MIA2: variants seen among roughly 807,000 people sequenced by gnomAD.
The protein encoded by MIA2 is MIA SH3 domain ER export factor 2.
A neutral mutation model predicts 167.8 loss-of-function variants in MIA2; 127 were observed. The observed-to-expected ratio is 0.76, with a 90% CI of 0.66 to 0.88. MIA2 has a LOEUF of 0.88. MIA2 is among the 40% of genes least tolerant of loss of function. The pLI, the probability that MIA2 is intolerant of heterozygous loss-of-function variation, is 0.00. For missense variants in MIA2, 1,690 were observed against 1,624.7 expected, an observed-to-expected ratio of 1.04 and a Z score of -0.69; for synonymous variants, 552 against 541.9, an observed-to-expected ratio of 1.02 and a Z score of -0.26.
At chr14:39,307,017 C>T (rs934832604) in intron 17 of MIA2, among the ~76,000 whole-genome samples, 7 of 152,004 alleles carry the variant, frequency 4.6e-5, no homozygotes, top group African/African-American at 1.5e-4. Flanking sequence ...GTTGAAACAA[C>T]GCTTAAAGTT....
intron 25 of MIA2, among the ~76,000 whole-genome samples, chr14:39,338,497 G>C (rs868546483): frequency 1.3e-5 from 2 of 152,054 alleles, no homozygotes; most frequent in African/African-American, 4.8e-5. Flanking sequence ...TTTCAGTTTG[G>C]TTTTTCATAA....
At chr14:39,259,163 A>C (rs929086849) in intron 6 of MIA2, among the ~76,000 whole-genome samples, 6 of 152,366 alleles carry the variant, frequency 3.9e-5, no homozygotes, top group Admixed American at 3.9e-4. Flanking sequence ...GCCGGCAGGC[A>C]GGAACGATTA....
At chr14:39,372,428 A>G (rs1006585692) in intron 23 of MIA2, among the ~76,000 whole-genome samples, 2 of 152,242 alleles carry the variant, frequency 1.3e-5, no homozygotes, top group African/African-American at 2.4e-5. Flanking sequence ...AGTCAACAGT[A>G]TAATGTGGAA....
chr14:39,268,270 A>G (rs961533623), intron 6 of MIA2, among the ~76,000 whole-genome samples: 1 of 152,054 alleles, frequency 6.6e-6, no homozygotes, highest in Non-Finnish European at 1.5e-5. Context: ...GGCAGTTACG[A>G]TTATGTTTTC....
At chr14:39,383,608 G>A (rs2075212761) in intron 23 of MIA2, among the ~76,000 whole-genome samples, 1 of 152,202 alleles carries the variant, frequency 6.6e-6, no homozygotes, top group Admixed American at 6.5e-5. Flanking sequence ...AGGAAGGCAT[G>A]TTGAAACTAG....
intron 6 of MIA2, among the ~76,000 whole-genome samples, chr14:39,272,015 G>T (rs532474480): frequency 1.3e-5 from 2 of 152,178 alleles, no homozygotes; most frequent in East Asian, 1.9e-4. Flanking sequence ...TGCAAAAAAG[G>T]TTAAAGCAAA....
At chr14:39,355,084 A>AAT (rs59176548), downstream of MIA2, among the ~76,000 whole-genome samples, 140,422 of 150,990 alleles carry the variant, frequency 0.93, 65,399 homozygotes, top group East Asian at 0.96. Context: ...GGTTTTTTCC[A>AAT]TCTGTGAAGA....
Position 39,247,216 on chromosome 14 carries a change from C to A in MIA2, c.642C>A (p.Val214=). The A allele has an allele frequency of 1.2e-6, 2 of 1,614,084 alleles. No homozygotes were observed. Among genetic ancestry groups the A allele is most frequent in the Non-Finnish European group, 1.7e-6 (2 of 1,180,026 alleles). The change falls in exon 4 of 29, where the codon GTC becomes GTA. Residue 214 remains valine (V), a synonymous_variant. Coordinates refer to ENST00000640607, the MANE Select transcript of MIA2 (RefSeq NM_001329214.4). ...MEQDRIPEVH[V]PPSSAVSGVK... The stretch of plus-strand genomic sequence containing the variant: ...AGGATCGTATTCCAGAAGTGCATGT[C>A]CCACCATCTTCAGCTGTGTCTGGAG...
chr14:39,357,939 C>G (rs2074573253), intron 23 of MIA2, among the ~76,000 whole-genome samples: 1 of 152,198 alleles, frequency 6.6e-6, no homozygotes, highest in African/African-American at 2.4e-5. Flanking sequence ...GTCTGATGGA[C>G]TTCCCTTTGT....
chr14:39,386,569 T>C, intron 23 of MIA2: 1 of 1,146,944 alleles, frequency 8.7e-7, no homozygotes, highest in Middle Eastern at 2.7e-4. Context: ...GTCTCTTTGT[T>C]ATCATCACCT....
At chr14:39,288,701 T>C (rs1168015290) in intron 9 of MIA2, among the ~76,000 whole-genome samples, 1 of 151,286 alleles carries the variant, frequency 6.6e-6, no homozygotes, top group East Asian at 1.9e-4. Context: ...GACCCTGTGA[T>C]CTGTCCGCCT....
rs771093450 is a variant in MIA2, at chr14:39,348,955, T to G, written c.4050T>G (p.Gly1350=). The part of the protein sequence containing the change: ...RDYFPPGDFP[G]PPPAPFAMRN... The stretch of plus-strand genomic sequence containing the variant: ...ATTTTCCACCAGGGGATTTCCCAGG[T>G]CCACCACCTGCTCCATTTGCAAGTA... Residue 1350 remains glycine, a synonymous_variant, in exon 28 of 29, where the codon GGT becomes GGG. Transcript: ENST00000640607. 1 of 1,613,768 alleles carries G rather than the reference T, an allele frequency of 6.2e-7. No homozygotes were observed. Among genetic ancestry groups the G allele is most frequent in the East Asian group, 2.2e-5 (1 of 44,880 alleles).
At chr14:39,314,494 G>A in intron 19 of MIA2, among the ~76,000 whole-genome samples, 1 of 151,492 alleles carries the variant, frequency 6.6e-6, no homozygotes, top group East Asian at 1.9e-4. Flanking sequence ...TGTGACTTTG[G>A]GTTTAGGTAA....
Position 39,247,257 on chromosome 14 carries a change from G to GA in MIA2, c.684dup (p.Leu229IlefsTer7). Reference sequence around the variant, plus strand: ...GTGTCTGGAGTCAAAGAATGGTTTGGATTGGGAGGAGAACAAGCTGAAGAG... The same window carrying GA: ...GTGTCTGGAGTCAAAGAATGGTTTGGAATTGGGAGGAGAACAAGCTGAAGAG... On this transcript the variant is annotated frameshift_variant, in exon 4 of 29. Transcript: ENST00000640607. LOFTEE classifies it high-confidence loss of function. 6.2e-7 allele frequency: 1 copy of GA among 1,614,046 alleles called. No homozygotes were observed. Among genetic ancestry groups the GA allele is most frequent in the Non-Finnish European group, 8.5e-7 (1 of 1,180,008 alleles).
intron 23 of MIA2, chr14:39,370,668 C>T: frequency 3.8e-6 from 1 of 264,640 alleles, no homozygotes; most frequent in Non-Finnish European, 7.7e-6. Context: ...GTGCTGCATG[C>T]CCAGCACAGC....
At chr14:39,259,906 T>C (rs1214687468) in intron 6 of MIA2, among the ~76,000 whole-genome samples, 1 of 152,054 alleles carries the variant, frequency 6.6e-6, no homozygotes. Flanking sequence ...CCCCACTCTG[T>C]GTCCAAGCGT....
intron 25 of MIA2, among the ~76,000 whole-genome samples, chr14:39,332,750 C>T (rs1053901091): frequency 6.6e-6 from 1 of 151,966 alleles, no homozygotes; most frequent in African/African-American, 2.4e-5. Context: ...TGGACTGCAC[C>T]CGCTCTCTAA....
At chr14:39,333,551 C>T (rs921842213) in intron 25 of MIA2, among the ~76,000 whole-genome samples, 1 of 152,104 alleles carries the variant, frequency 6.6e-6, no homozygotes, top group African/African-American at 2.4e-5. Context: ...ACTTGTTCTT[C>T]AGGCAAGAAA....
intron 11 of MIA2, 86 bp downstream of exon 11, chr14:39,293,467 C>T: frequency 1.1e-6 from 1 of 930,934 alleles, no homozygotes; most frequent in African/African-American, 1.7e-5. Context: ...TAAAGTATTA[C>T]ATTATTGTAA....
Sources: allele counts gnomAD v4.1 joint callset (sites outside exome capture counted in the v4.1 genomes callset), GRCh38; gene constraint gnomAD v4.1.1; transcripts MANE v1.5; gene names NCBI Gene and HGNC (gene_info 2026-07-23, HGNC 2026-07-21).